The following MCPH1 variants were observed in gnomAD, a reference collection of about 807,000 sequenced individuals.
The protein encoded by MCPH1 is microcephalin.
A neutral mutation model predicts 84.5 loss-of-function variants in MCPH1; 104 were observed. That is an observed-to-expected ratio of 1.23 (90% CI 1.05 to 1.45). The LOEUF (loss-of-function observed/expected upper bound fraction) is 1.45. MCPH1 is among the 40% of genes most tolerant of loss of function. MCPH1 has a pLI of 0.00. For missense variants in MCPH1, 1,498 were observed against 1,005.7 expected (o/e 1.49, Z -6.62); for synonymous variants, 514 against 366.8 (o/e 1.40, Z -4.58).
intron 13 of MCPH1, among the ~76,000 whole-genome samples, chr8:6,622,487 C>G (rs1180863650): frequency 6.6e-6 from 1 of 152,234 alleles, no homozygotes; most frequent in Non-Finnish European, 1.5e-5. Flanking sequence ...TGTGGCGGGA[C>G]AAGCCTAGGG....
rs979105810 is a variant in MCPH1, at chr8:6,643,289, G to C, written c.*240G>C. On this transcript the variant is annotated 3_prime_UTR_variant, in exon 14 of 14. Transcript: ENST00000344683. ...ATTTTATTTTTTATTTTTTGAGACG[G>C]AGTCCTGCCCTGTTTCCCAGGCTGG... The C allele has an allele frequency of 2.9e-5, 15 of 519,388 alleles. No homozygotes were observed. The Admixed American group carries it at 3.9e-4, about 13-fold the overall frequency. The allele number at this position is 519,388 out of a possible 1,614,324, so 32.2% of individuals were successfully genotyped here. A position where few individuals can be genotyped will look rare whatever the true frequency, so the allele number is the denominator to read the frequency against.
At chr8:6,428,189 A>G (rs1451038300) in intron 3 of MCPH1, among the ~76,000 whole-genome samples, 2 of 152,134 alleles carry the variant, frequency 1.3e-5, no homozygotes, top group East Asian at 3.8e-4. Flanking sequence ...AATACATTGT[A>G]CAACAGTATA....
At chr8:6,585,402 C>T (rs972184586) in intron 12 of MCPH1, among the ~76,000 whole-genome samples, 1 of 152,236 alleles carries the variant, frequency 6.6e-6, no homozygotes, top group African/African-American at 2.4e-5. Context: ...GGAAGCGTGG[C>T]CTGGTGCCCT....
intron 12 of MCPH1, among the ~76,000 whole-genome samples, chr8:6,548,648 C>T (rs1823043633): frequency 6.6e-6 from 1 of 152,142 alleles, no homozygotes; most frequent in African/African-American, 2.4e-5. Context: ...GAAGGTGAAG[C>T]TTAATGCAAT....
At chr8:6,429,926 A>G (rs1268257839) in intron 3 of MCPH1, among the ~76,000 whole-genome samples, 1 of 151,948 alleles carries the variant, frequency 6.6e-6, no homozygotes, top group Non-Finnish European at 1.5e-5. Flanking sequence ...AGAAAGTACA[A>G]CCCTTGGAAT....
chr8:6,570,749 T>C (rs561083740), intron 12 of MCPH1, among the ~76,000 whole-genome samples: 9 of 151,932 alleles, frequency 5.9e-5, no homozygotes, highest in Admixed American at 6.6e-5. Flanking sequence ...TTCTAACTTA[T>C]CTGTGTTCAT....
intron 2 of MCPH1, among the ~76,000 whole-genome samples, chr8:6,414,106 T>G (rs1798910048): frequency 6.6e-6 from 1 of 152,196 alleles, no homozygotes; most frequent in African/African-American, 2.4e-5. Context: ...ATTGCACTTA[T>G]TTTCAACCTT....
intron 12 of MCPH1, among the ~76,000 whole-genome samples, chr8:6,557,194 G>A (rs190077067): frequency 4.6e-5 from 7 of 152,274 alleles, no homozygotes; most frequent in East Asian, 1.9e-4. Context: ...GGGGATATGC[G>A]TGCTTTCCCG....
intron 13 of MCPH1, among the ~76,000 whole-genome samples, chr8:6,633,683 A>G (rs1797327670): frequency 6.6e-6 from 1 of 151,998 alleles, no homozygotes; most frequent in South Asian, 2.1e-4. Context: ...TCCCCCACAC[A>G]AGCACGCCCA....
At chr8:6,446,443 C>A (rs948669701) in intron 8 of MCPH1, 2 of 985,200 alleles carry the variant, frequency 2.0e-6, no homozygotes, top group African/African-American at 3.5e-5. Flanking sequence ...ATGTTACATA[C>A]CTTTTCCTTG....
In MCPH1 at chr8:6,571,143, T is replaced by G. The variant is rs2922844; in HGVS notation, c.2215-50311T>G. Among the ~76,000 whole-genome samples, 1,119 of 152,316 alleles carry G rather than the reference T, an allele frequency of 7.3e-3. 19 individuals carry two copies. Among genetic ancestry groups the G allele is most frequent in the African/African-American group, 0.025 (1,029 of 41,574 alleles). On this transcript the variant is annotated intron_variant, in intron 12 of 13. Coordinates refer to ENST00000344683, the MANE Select transcript of MCPH1 (RefSeq NM_024596.5). ...TCAAAAAAATGCCAGAAGGTCAAGA[T>G]AGAAGTCACAACATTAAAAGGGAGT...
intron 12 of MCPH1, among the ~76,000 whole-genome samples, chr8:6,605,692 T>G (rs1456114317): frequency 1.4e-5 from 2 of 139,330 alleles, no homozygotes; most frequent in African/African-American, 2.7e-5. Flanking sequence ...TCACAGACAT[T>G]ATTTTTGTAA....
rs1812496389 is a variant in MCPH1 at position 6,503,005 on chromosome 8, G to T, written c.2214+3076G>T. On this transcript the variant is annotated intron_variant, in intron 12 of 13. Transcript: ENST00000344683. ...CAGCACCGAGCACACGCCCTCTGTG[G>T]TGGAAGAGGACACAGTGCGCAGCCG... The T allele has an allele frequency of 8.4e-6, 12 of 1,428,904 alleles. No individual in the cohort carries two copies. In the South Asian group the frequency reaches 1.4e-4, roughly 17 times the overall value. 88.5% of individuals were successfully genotyped at this position (1,428,904 alleles called of 1,614,324 possible). A position where few individuals can be genotyped will look rare whatever the true frequency, so the allele number is the denominator to read the frequency against.
intron 3 of MCPH1, among the ~76,000 whole-genome samples, chr8:6,428,602 C>A (rs1479131442): frequency 6.6e-6 from 1 of 152,238 alleles, no homozygotes; most frequent in Non-Finnish European, 1.5e-5. Flanking sequence ...TTCCAATAAG[C>A]GGAATCATAT....
intron 13 of MCPH1, among the ~76,000 whole-genome samples, chr8:6,633,041 T>C (rs1797282572): frequency 1.3e-5 from 2 of 151,936 alleles, no homozygotes; most frequent in South Asian, 2.1e-4. Flanking sequence ...AAAAAAACTC[T>C]TCAGAAACCA....
intron 12 of MCPH1, among the ~76,000 whole-genome samples, chr8:6,505,275 TAC>T (rs1813158275): frequency 1.1e-4 from 3 of 27,092 alleles, no homozygotes; most frequent in African/African-American, 3.4e-4. Flanking sequence ...TATATATGTA[TAC>T]ATATATATGT....
chr8:6,489,426 G>A (rs1228097612), intron 11 of MCPH1, among the ~76,000 whole-genome samples: 1 of 152,156 alleles, frequency 6.6e-6, no homozygotes, highest in Non-Finnish European at 1.5e-5. Context: ...ATGCTCAGCT[G>A]TGCTGAGTGC....
chr8:6,569,025 G>C (rs1005129361), intron 12 of MCPH1, among the ~76,000 whole-genome samples: 1 of 152,192 alleles, frequency 6.6e-6, no homozygotes, highest in Non-Finnish European at 1.5e-5. Context: ...ACACTAAGCT[G>C]GGAGGGACTT....
intron 9 of MCPH1, chr8:6,474,209 T>C: frequency 4.4e-6 from 3 of 688,606 alleles, no homozygotes; most frequent in Non-Finnish European, 8.0e-6. Context: ...GGGACAATTA[T>C]ACTCTTCATC....
Sources: gnomAD v4.1 joint callset for allele counts (sites outside exome capture counted in the v4.1 genomes callset) on GRCh38, gnomAD v4.1.1 for gene constraint, MANE v1.5 for transcripts, NCBI Gene and HGNC (gene_info 2026-07-23, HGNC 2026-07-21) for gene names.